MAPK9: variants seen among roughly 807,000 people sequenced by gnomAD.
The protein encoded by MAPK9 is Jun kinase.
MAPK9 carries 30 observed loss-of-function variants against 57.1 expected under a neutral mutation model. The ratio of observed to expected loss-of-function variants is 0.53; its 90% CI spans 0.39 to 0.71. The LOEUF is 0.71. Among genes scored for constraint, MAPK9 ranks in the 30% least tolerant of loss-of-function variants. The pLI, the probability that MAPK9 is intolerant of heterozygous loss-of-function variation, is 0.00. For synonymous variants in MAPK9, 155 were observed against 177.0 expected, an observed-to-expected ratio of 0.88 and a Z score of 0.99; for missense variants, 362 against 521.0, an observed-to-expected ratio of 0.69 and a Z score of 2.97.
intron 6 of MAPK9, chr5:180,248,037 T>C: frequency 1.1e-6 from 1 of 922,222 alleles, no homozygotes. Context: ...CGGGAGCCTC[T>C]GTGCGTTGTT....
At chr5:180,246,877 A>G (rs1357387188) in intron 7 of MAPK9, 2 of 152,544 alleles carry the variant, frequency 1.3e-5, no homozygotes, top group South Asian at 2.1e-4. Flanking sequence ...ATGTCAGCAC[A>G]GTAACAAACA....
intron 6 of MAPK9, 24 bp downstream of exon 6, chr5:180,248,949 T>C: frequency 6.4e-7 from 1 of 1,574,126 alleles, no homozygotes; most frequent in Non-Finnish European, 8.6e-7. Context: ...CATCCCAGCC[T>C]CTTCCAGCCC....
intron 5 of MAPK9, among the ~76,000 whole-genome samples, chr5:180,261,097 T>C (rs890068142): frequency 2.0e-5 from 3 of 152,252 alleles, no homozygotes; most frequent in African/African-American, 4.8e-5. Flanking sequence ...CACACTGTTA[T>C]TCAAATCCCG....
chr5:180,283,867 G>A (rs927339724), intron 1 of MAPK9, among the ~76,000 whole-genome samples: 3 of 152,170 alleles, frequency 2.0e-5, no homozygotes, highest in Non-Finnish European at 4.4e-5. Context: ...ACCGGGAGGT[G>A]GAGATTGCAG....
intron 2 of MAPK9, among the ~76,000 whole-genome samples, chr5:180,271,383 C>T (rs1581266782): frequency 6.6e-6 from 1 of 152,306 alleles, no homozygotes; most frequent in African/African-American, 2.4e-5. Context: ...TTCACCTACT[C>T]CCCATTACGA....
At chr5:180,257,978 G>C (rs1561807609) in intron 5 of MAPK9, 1 of 154,222 alleles carries the variant, frequency 6.5e-6, no homozygotes, top group Non-Finnish European at 1.5e-5. Flanking sequence ...CCATACAAAT[G>C]TAAACAATGT....
intron 2 of MAPK9, among the ~76,000 whole-genome samples, chr5:180,271,918 C>A (rs1440934191): frequency 6.6e-6 from 1 of 152,144 alleles, no homozygotes. Context: ...TTATTACATT[C>A]TAGATTATTA....
At chr5:180,287,206 G>C (rs1008516163) in intron 1 of MAPK9, 7 of 152,206 alleles carry the variant, frequency 4.6e-5, no homozygotes, top group African/African-American at 1.7e-4. Flanking sequence ...TTTGAATCTT[G>C]ATTGTGGTAG....
At chr5:180,267,161 T>C (rs770621364) in intron 3 of MAPK9, among the ~76,000 whole-genome samples, 4 of 152,228 alleles carry the variant, frequency 2.6e-5, no homozygotes, top group Non-Finnish European at 5.9e-5. Flanking sequence ...CTGTTAATGC[T>C]AGTAATCTGT....
Position 180,248,956 on chromosome 5 carries a change from G to C in MAPK9, c.616+17C>G, listed in dbSNP as rs1561793559. 6.3e-7 allele frequency: 1 copy of C among 1,580,374 alleles called. No homozygotes were observed. Among genetic ancestry groups the C allele is most frequent in the East Asian group, 2.3e-5 (1 of 44,378 alleles). Reference sequence around the variant, plus strand: ...TTTCTAAACATCCCAGCCTCTTCCAGCCCCGGCTATACTCACCGTTCTCTT... The same window carrying C: ...TTTCTAAACATCCCAGCCTCTTCCACCCCCGGCTATACTCACCGTTCTCTT... On this transcript the variant is annotated intron_variant, in intron 6 of 11. Coordinates refer to ENST00000452135, the MANE Select transcript of MAPK9 (RefSeq NM_002752.5).
chr5:180,286,059 G>A (rs1390166115), intron 1 of MAPK9, among the ~76,000 whole-genome samples: 1 of 138,198 alleles, frequency 7.2e-6, no homozygotes, highest in Non-Finnish European at 1.6e-5. Flanking sequence ...CAGCCTGGGC[G>A]ACAGAGCGAG....
Position 180,241,033 on chromosome 5 carries a change from C to T in MAPK9, c.994G>A (p.Ala332Thr). Residue 332 changes from alanine (A) to threonine (T), a missense_variant and splice_region_variant, in exon 9 of 12, where the codon GCC becomes ACC. Physicochemically the swap from Ala to Thr is moderately conservative, Grantham distance 58. This residue lies in a region of MAPK9 where 199 missense variants were observed against 251.3 expected (regional missense o/e 0.79). Transcript: ENST00000452135. ...ATCTTTTCAAAACAGATACTCACGG[C>T]TTCTGCTTCGGCGGGGTCATACCAA... ...TVWYDPAEAE[A>T]PPPQIYDAQL... The T allele has an allele frequency of 6.2e-7, 1 of 1,611,304 alleles. No homozygotes were observed. The highest frequency in any genetic ancestry group is 8.5e-7 in the Non-Finnish European group (1 of 1,178,992).
chr5:180,259,033 C>CA (rs35532910), intron 5 of MAPK9, among the ~76,000 whole-genome samples: 142 of 132,526 alleles, frequency 1.1e-3, no homozygotes, highest in Middle Eastern at 3.8e-3. Context: ...GACTCTGTTT[C>CA]AAAAAAAAAA....
In MAPK9 at chr5:180,238,364, C is replaced by A. The variant is rs531129203; in HGVS notation, c.1100G>T (p.Ser367Ile). The stretch of plus-strand genomic sequence containing the variant: ...CTGATCTTTTACAACACCATTCTTG[C>A]TTCTTTCTTCCCAATCCATGACTTC... The part of the protein sequence containing the change: ...YKEVMDWEER[S>I]KNGVVKDQPS... The change falls in exon 11 of 12, where the codon AGC becomes ATC. Residue 367 changes from serine (S) to isoleucine (I), a missense_variant. This residue lies in a region of MAPK9 where 199 missense variants were observed against 251.3 expected (regional missense o/e 0.79). Transcript: ENST00000452135. The A allele has an allele frequency of 6.2e-7, 1 of 1,612,530 alleles. No homozygotes were observed. The highest frequency in any genetic ancestry group is 2.2e-5 in the East Asian group (1 of 44,838).
chr5:180,270,359 G>C (rs1761138599), intron 2 of MAPK9, among the ~76,000 whole-genome samples: 1 of 152,138 alleles, frequency 6.6e-6, no homozygotes, highest in Non-Finnish European at 1.5e-5. Context: ...TGTAGCATTT[G>C]GTTAAGAAGC....
chr5:180,289,751 G>T (rs72811024), intron 1 of MAPK9, among the ~76,000 whole-genome samples: 1 of 152,030 alleles, frequency 6.6e-6, no homozygotes, highest in African/African-American at 2.4e-5. Context: ...GGAGGATGAC[G>T]ATCCTGCAAC....
intron 2 of MAPK9, among the ~76,000 whole-genome samples, chr5:180,279,238 G>A (rs1366827695): frequency 1.3e-5 from 2 of 152,166 alleles, no homozygotes; most frequent in Non-Finnish European, 2.9e-5. Context: ...TTACAGGCGT[G>A]AGCCACCGTG....
chr5:180,238,479 A>T (rs534677910), intron 10 of MAPK9, 76 bp from the exon 11 acceptor site: 2 of 1,040,152 alleles, frequency 1.9e-6, no homozygotes, highest in East Asian at 4.8e-5. Context: ...TCTGCTTCCA[A>T]ATCAACTGGA....
At chr5:180,280,963 G>A (rs1443863710) in intron 1 of MAPK9, among the ~76,000 whole-genome samples, 1 of 152,254 alleles carries the variant, frequency 6.6e-6, no homozygotes, top group African/African-American at 2.4e-5. Flanking sequence ...GGTGTAAATG[G>A]TTCATTTACA....
Sources: allele counts gnomAD v4.1 joint callset (sites outside exome capture counted in the v4.1 genomes callset), GRCh38; gene constraint gnomAD v4.1.1; regional missense constraint gnomAD v4.1.1; transcripts MANE v1.5; gene names NCBI Gene and HGNC (gene_info 2026-07-23, HGNC 2026-07-21).